The following SYT9 variants were observed in gnomAD, a reference collection of about 807,000 sequenced individuals.
SYT9 encodes the protein synaptotagmin 9, also known as synaptotagmin-9.
A neutral mutation model predicts 48.4 loss-of-function variants in SYT9; 22 were observed. The observed-to-expected ratio is 0.45, with a 90% CI of 0.32 to 0.65. The LOEUF (loss-of-function observed/expected upper bound fraction) is 0.65. Ranked by LOEUF, SYT9 falls within the 30% of genes least tolerant of loss-of-function variation. SYT9 has a pLI of 0.03. For synonymous variants in SYT9, 265 were observed against 245.0 expected, an observed-to-expected ratio of 1.08 and a Z score of -0.76; for missense variants, 577 against 622.0, an observed-to-expected ratio of 0.93 and a Z score of 0.77.
At chr11:7,273,032 C>A (rs538631843) in intron 1 of SYT9, among the ~76,000 whole-genome samples, 1 of 152,102 alleles carries the variant, frequency 6.6e-6, no homozygotes, top group African/African-American at 2.4e-5. Context: ...TACATTTTAT[C>A]CTAATCTTAA....
At chr11:7,380,628 TAAAAAC>T (rs1437199053) in intron 3 of SYT9, among the ~76,000 whole-genome samples, 7 of 151,762 alleles carry the variant, frequency 4.6e-5, no homozygotes, top group African/African-American at 1.2e-4. Context: ...CAGCAAAAAA[TAAAAAC>T]AGAAAATAAA....
At chr11:7,275,641 T>A (rs1296495178) in intron 1 of SYT9, among the ~76,000 whole-genome samples, 1 of 152,204 alleles carries the variant, frequency 6.6e-6, no homozygotes, top group Non-Finnish European at 1.5e-5. Flanking sequence ...AATTCAAGAT[T>A]CATATTCCAG....
At chr11:7,365,628 G>A (rs1850226600) in intron 3 of SYT9, among the ~76,000 whole-genome samples, 1 of 152,164 alleles carries the variant, frequency 6.6e-6, no homozygotes, top group Admixed American at 6.5e-5. Context: ...GAATGAATTA[G>A]CGAATTAAAC....
At chr11:7,451,829 G>A (rs903994514) in intron 6 of SYT9, among the ~76,000 whole-genome samples, 1 of 152,176 alleles carries the variant, frequency 6.6e-6, no homozygotes, top group Non-Finnish European at 1.5e-5. Context: ...AGTAGAGAAG[G>A]TGATAATGAG....
intron 3 of SYT9, among the ~76,000 whole-genome samples, chr11:7,410,208 T>C (rs192341713): frequency 9.2e-5 from 14 of 152,334 alleles, no homozygotes. Flanking sequence ...CTGAAGATAC[T>C]TGATATGATT....
chr11:7,368,777 G>T (rs1850298665), intron 3 of SYT9, among the ~76,000 whole-genome samples: 1 of 152,090 alleles, frequency 6.6e-6, no homozygotes, highest in East Asian at 1.9e-4. Flanking sequence ...ATGGGCATTT[G>T]GGTTGGTTCC....
At chr11:7,293,136 G>A (rs1030016588) in intron 1 of SYT9, among the ~76,000 whole-genome samples, 2 of 152,208 alleles carry the variant, frequency 1.3e-5, no homozygotes, top group African/African-American at 4.8e-5. Context: ...AGGTATAACA[G>A]AAAGTGTTCT....
intron 1 of SYT9, among the ~76,000 whole-genome samples, chr11:7,268,973 C>A (rs1481980468): frequency 6.6e-6 from 1 of 152,090 alleles, no homozygotes; most frequent in African/African-American, 2.4e-5. Context: ...TGGAATCATA[C>A]AATATGTGAT....
intron 3 of SYT9, among the ~76,000 whole-genome samples, chr11:7,353,222 G>C (rs1408889064): frequency 6.6e-6 from 1 of 152,180 alleles, no homozygotes; most frequent in Non-Finnish European, 1.5e-5. Flanking sequence ...CAAGAGGAAC[G>C]GGGTTTTTTT....
chr11:7,394,325 T>G (rs1846703405), intron 3 of SYT9, among the ~76,000 whole-genome samples: 1 of 152,204 alleles, frequency 6.6e-6, no homozygotes, highest in Non-Finnish European at 1.5e-5. Flanking sequence ...TATTCCATGG[T>G]GTATATGTGC....
At chr11:7,270,367 G>A (rs1848272083) in intron 1 of SYT9, among the ~76,000 whole-genome samples, 1 of 152,102 alleles carries the variant, frequency 6.6e-6, no homozygotes, top group African/African-American at 2.4e-5. Flanking sequence ...TAGATTACCT[G>A]AATACTCAAT....
intron 6 of SYT9, chr11:7,439,317 T>C (rs1335459381): frequency 6.6e-6 from 1 of 152,264 alleles, no homozygotes; most frequent in African/African-American, 2.4e-5. Flanking sequence ...TGGGAAACTT[T>C]GCTGTGCTCC....
chr11:7,406,417 G>A (rs116604470), intron 3 of SYT9, among the ~76,000 whole-genome samples: 3 of 151,984 alleles, frequency 2.0e-5, no homozygotes, highest in Admixed American at 6.6e-5. Flanking sequence ...GTGAGAACAT[G>A]TATCTGTCTT....
intron 5 of SYT9, among the ~76,000 whole-genome samples, chr11:7,418,700 G>A (rs757333000): frequency 2.6e-5 from 4 of 152,216 alleles, no homozygotes; most frequent in Non-Finnish European, 4.4e-5. Flanking sequence ...AAATGTATAA[G>A]ATGCTCAACT....
At chr11:7,390,831 G>A (rs530078931) in intron 3 of SYT9, among the ~76,000 whole-genome samples, 10 of 152,156 alleles carry the variant, frequency 6.6e-5, no homozygotes, top group Non-Finnish European at 1.3e-4. Context: ...TTTAATTTCC[G>A]TTTTTAGTTT....
intron 3 of SYT9, among the ~76,000 whole-genome samples, chr11:7,360,719 A>C (rs555218799): frequency 1.3e-5 from 2 of 152,284 alleles, no homozygotes; most frequent in East Asian, 3.9e-4. Flanking sequence ...CCTACTGTTC[A>C]TGTTGTTATG....
At chr11:7,422,024 G>A (rs76197191) in intron 6 of SYT9, among the ~76,000 whole-genome samples, 3,122 of 152,288 alleles carry the variant, frequency 0.021, 32 homozygotes, top group Middle Eastern at 0.037. Flanking sequence ...CTGAGGATGC[G>A]TGGGTTCCAG....
chr11:7,252,203 A>G lies in SYT9; in HGVS notation c.17A>G (p.Asp6Gly), dbSNP rs1026108525. ...GGGGGGGCGATGCCCGGGGCCAGGG[A>G]CGCGCTCTGTCACCAGGCGCTGCAG... The part of the protein sequence containing the change: MPGAR[D>G]ALCHQALQLL... Residue 6 changes from aspartate (D) to glycine (G), a missense_variant, in exon 1 of 7, where the codon GAC becomes GGC. Physicochemically the swap from Asp to Gly is moderately conservative, Grantham distance 94. Coordinates refer to ENST00000318881, the MANE Select transcript of SYT9 (RefSeq NM_175733.4). This position sits in a 1 kb window ranked among gnomAD's most constrained non-coding sequence, Gnocchi z 6.3. 1.2e-5 allele frequency: 17 copies of G among 1,470,404 alleles called. No homozygotes were observed. Among genetic ancestry groups the G allele is most frequent in the East Asian group, 3.0e-5 (1 of 33,620 alleles). The allele number at this position is 1,470,404 out of a possible 1,614,324, so 91.1% of individuals were successfully genotyped here.
chr11:7,260,311 C>T lies in SYT9; in HGVS notation c.145+7980C>T, dbSNP rs571368269. Among the ~76,000 whole-genome samples, 15 of 152,226 alleles carry T rather than the reference C, an allele frequency of 9.9e-5. No individual in the cohort carries two copies. The South Asian group carries it at 2.9e-3, about 29-fold the overall frequency. On this transcript the variant is annotated intron_variant, in intron 1 of 6. Transcript: ENST00000318881. ...GACTTGAGTGGATCTGCAGAGGCTT[C>T]CTACAGAAGTCTATTCTTGGGCAGA...
Sources: allele counts gnomAD v4.1 joint callset (sites outside exome capture counted in the v4.1 genomes callset), GRCh38; gene constraint gnomAD v4.1.1; non-coding constraint Gnocchi (gnomAD v3.1); transcripts MANE v1.5; gene names NCBI Gene and HGNC (gene_info 2026-07-23, HGNC 2026-07-21).